PDZRN3: variants seen among roughly 807,000 people sequenced by gnomAD.
The protein encoded by PDZRN3 is PDZ domain containing ring finger 3.
A neutral mutation model predicts 85.7 loss-of-function variants in PDZRN3; 38 were observed. That is an observed-to-expected ratio of 0.44 (90% CI 0.34 to 0.58). The LOEUF is 0.58. Ranked by LOEUF, PDZRN3 falls within the 20% of genes least tolerant of loss-of-function variation. PDZRN3 has a pLI of 0.01. For synonymous variants in PDZRN3, 759 were observed against 638.0 expected (o/e 1.19, Z -2.86); for missense variants, 1,629 against 1,506.4 (o/e 1.08, Z -1.35).
chr3:73,517,389 T>C (rs570813295), intron 3 of PDZRN3, among the ~76,000 whole-genome samples: 5 of 152,362 alleles, frequency 3.3e-5, no homozygotes, highest in South Asian at 2.1e-4. Context: ...CATGTTTCTA[T>C]GTGAAAGAGC....
intron 1 of PDZRN3, among the ~76,000 whole-genome samples, chr3:73,614,056 A>G (rs532118393): frequency 6.6e-6 from 1 of 152,198 alleles, no homozygotes; most frequent in Non-Finnish European, 1.5e-5. Flanking sequence ...AAGAAGATAC[A>G]GTTGATTTTG....
In PDZRN3 at chr3:73,624,208, C is replaced by G. The variant is rs927416765; in HGVS notation, c.618G>C (p.Gln206His). The change falls in exon 1 of 10, where the codon CAG becomes CAC. Residue 206 changes from glutamine to histidine, a missense_variant. Gln to His is a conservative substitution (Grantham distance 24, BLOSUM62 0). Coordinates refer to ENST00000263666, the MANE Select transcript of PDZRN3 (RefSeq NM_015009.3). ...KSLVAQLAAAQLELQMTALRY... is the reference protein window; with the variant it reads ...KSLVAQLAAAHLELQMTALRY... ...GCAGCGCGGTCATCTGCAGCTCAAG[C>G]TGCGCCGCGGCCAGCTGGGCCACCA... The G allele has an allele frequency of 5.4e-6, 8 of 1,488,846 alleles. No individual in the cohort carries two copies. Among genetic ancestry groups the G allele is most frequent in the East Asian group, 2.8e-5 (1 of 35,968 alleles). The allele number at this position is 1,488,846 out of a possible 1,614,324, so 92.2% of individuals were successfully genotyped here. A position where few individuals can be genotyped will look rare whatever the true frequency, so the allele number is the denominator to read the frequency against.
At chr3:73,429,145 G>A (rs1436495890) in intron 3 of PDZRN3, among the ~76,000 whole-genome samples, 1 of 151,894 alleles carries the variant, frequency 6.6e-6, no homozygotes, top group Non-Finnish European at 1.5e-5. Context: ...TCCTGGGCTC[G>A]AGCAATCCTC....
rs115265237 is a variant in PDZRN3, at chr3:73,515,885, C to G, written c.918+86469G>C. ...AAGCAGGACAAACCAGGCCTATGCA[C>G]ATACCTAAAACAACAGTCCCCAAAG... On this transcript the variant is annotated intron_variant, in intron 3 of 9. Transcript: ENST00000263666. Among the ~76,000 whole-genome samples, 931 of 152,328 alleles carry G rather than the reference C, an allele frequency of 6.1e-3. 7 individuals carry two copies. The highest frequency in any genetic ancestry group is 0.021 in the African/African-American group (891 of 41,578).
At chr3:73,420,982 T>C (rs1302279476) in intron 3 of PDZRN3, among the ~76,000 whole-genome samples, 1 of 152,244 alleles carries the variant, frequency 6.6e-6, no homozygotes, top group Non-Finnish European at 1.5e-5. Flanking sequence ...ACATCACCTC[T>C]AGATTATTTA....
chr3:73,551,519 C>T (rs1358075094), intron 3 of PDZRN3, among the ~76,000 whole-genome samples: 2 of 151,610 alleles, frequency 1.3e-5, no homozygotes, highest in Middle Eastern at 3.2e-3. Context: ...CTCGTCTCTA[C>T]AAAAAATAAA....
intron 3 of PDZRN3, among the ~76,000 whole-genome samples, chr3:73,535,379 T>C (rs1704758081): frequency 6.6e-6 from 1 of 152,172 alleles, no homozygotes; most frequent in Non-Finnish European, 1.5e-5. Flanking sequence ...AATAAGGACT[T>C]GGAAATGCCC....
chr3:73,414,776 T>C (rs907808648), intron 3 of PDZRN3, among the ~76,000 whole-genome samples: 1 of 152,200 alleles, frequency 6.6e-6, no homozygotes, highest in African/African-American at 2.4e-5. Context: ...ACATTCTAAA[T>C]AAATTATGAC....
At chr3:73,566,214 T>C (rs1701947349) in intron 3 of PDZRN3, among the ~76,000 whole-genome samples, 1 of 152,218 alleles carries the variant, frequency 6.6e-6, no homozygotes, top group South Asian at 2.1e-4. Flanking sequence ...CCAATTTCTT[T>C]TCCTGGTTTA....
intron 3 of PDZRN3, among the ~76,000 whole-genome samples, chr3:73,422,121 C>T (rs1312180469): frequency 6.6e-6 from 1 of 152,246 alleles, no homozygotes; most frequent in Non-Finnish European, 1.5e-5. Context: ...ATGTAAGCCC[C>T]TTGAGGGCAG....
At chr3:73,563,361 A>G (rs1701876042) in intron 3 of PDZRN3, among the ~76,000 whole-genome samples, 1 of 151,970 alleles carries the variant, frequency 6.6e-6, no homozygotes, top group Non-Finnish European at 1.5e-5. Context: ...TATTTAAAAA[A>G]AAGATGATGA....
intron 3 of PDZRN3, among the ~76,000 whole-genome samples, chr3:73,436,092 C>T (rs1702526021): frequency 6.6e-6 from 1 of 152,186 alleles, no homozygotes; most frequent in African/African-American, 2.4e-5. Context: ...ATGAAGCCTC[C>T]TTAGAAAAGC....
chr3:73,504,893 C>T (rs1704043385), intron 3 of PDZRN3, among the ~76,000 whole-genome samples: 1 of 152,066 alleles, frequency 6.6e-6, no homozygotes, highest in Admixed American at 6.5e-5. Context: ...TGGGGAAATA[C>T]ACAAAAAGGC....
rs957139604 is a variant in PDZRN3, at chr3:73,383,403, T to C, written c.3163A>G (p.Arg1055Gly). 1.6e-5 allele frequency: 26 copies of C among 1,613,714 alleles called. No homozygotes were observed. The highest frequency in any genetic ancestry group is 2.0e-5 in the Non-Finnish European group (24 of 1,179,802). Residue 1055 changes from arginine to glycine, a missense_variant, in exon 10 of 10, where the codon AGA becomes GGA. Transcript: ENST00000263666. ...ACCGATAGGAAGGAATTGTATACTC[T>C]AGTGCCGTCCGGGGATTTTGTGCCG... ...THGTKSPDGT[R>G]VYNSFLSVTT...
chr3:73,484,595 G>A (rs147840504), intron 3 of PDZRN3, among the ~76,000 whole-genome samples: 1,953 of 152,348 alleles, frequency 0.013, 23 homozygotes, highest in Non-Finnish European at 0.019. Context: ...AGCTGCAGCA[G>A]ATTGTTCTTC....
chr3:73,495,239 A>G lies in PDZRN3; in HGVS notation c.919-90844T>C, dbSNP rs1575690254. ...TTTCGATAGCAAGATTCTTTCAGCA[A>G]GTGGTTTGCTTTTTAAAAGAATTTT... On this transcript the variant is annotated intron_variant, in intron 3 of 9. Coordinates refer to ENST00000263666, the MANE Select transcript of PDZRN3 (RefSeq NM_015009.3). Among the ~76,000 whole-genome samples the G allele has an allele frequency of 2.6e-5, 4 of 152,344 alleles. No homozygotes were observed. The East Asian group carries it at 7.7e-4, about 29-fold the overall frequency.
At position 73,490,549 on chromosome 3, in the gene PDZRN3, C is replaced by T. The variant is rs116006992; in HGVS notation, c.919-86154G>A. On this transcript the variant is annotated intron_variant, in intron 3 of 9. Coordinates refer to ENST00000263666, the MANE Select transcript of PDZRN3 (RefSeq NM_015009.3). ...AACAGCCCCACAGCTGTATTTGTAC[C>T]AAAGATCAAAGGTTTTTTTTCTTCA... 5.6e-3 allele frequency among the ~76,000 whole-genome samples: 857 copies of T among 152,248 alleles called. 9 individuals are homozygous for T. The highest frequency in any genetic ancestry group is 0.018 in the African/African-American group (767 of 41,544).
chr3:73,389,032 C>A (rs1046525741), intron 7 of PDZRN3, among the ~76,000 whole-genome samples: 1 of 150,440 alleles, frequency 6.6e-6, no homozygotes, highest in African/African-American at 2.4e-5. Context: ...CGATCCTGAG[C>A]AGCACAGGTT....
intron 3 of PDZRN3, among the ~76,000 whole-genome samples, chr3:73,409,355 C>G (rs1227014394): frequency 6.6e-6 from 1 of 152,162 alleles, no homozygotes; most frequent in Non-Finnish European, 1.5e-5. Flanking sequence ...TTGTAGCTGT[C>G]TTTTCCAGTT....
Sources: allele counts gnomAD v4.1 joint callset (sites outside exome capture counted in the v4.1 genomes callset), GRCh38; gene constraint gnomAD v4.1.1; transcripts MANE v1.5; gene names NCBI Gene and HGNC (gene_info 2026-07-23, HGNC 2026-07-21).